The following RYR1 variants were observed in gnomAD, a reference collection of about 807,000 sequenced individuals.
The protein encoded by RYR1 is central core disease of muscle.
In RYR1, 342 loss-of-function variants were observed where a neutral mutation model predicts 583.5. The observed-to-expected ratio is 0.59, with a 90% confidence interval of 0.54 to 0.64. The LOEUF (loss-of-function observed/expected upper bound fraction) is 0.64. Ranked by LOEUF, RYR1 falls within the 30% of genes least tolerant of loss-of-function variation. The pLI, the probability that RYR1 is intolerant of heterozygous loss-of-function variation, is 0.00. For synonymous variants in RYR1, 2,791 were observed against 2,822.5 expected, an observed-to-expected ratio of 0.99 and a Z score of 0.35; for missense variants, 6,032 against 6,917.2, an observed-to-expected ratio of 0.87 and a Z score of 4.54.
In RYR1 at chr19:38,477,585, G is replaced by T. The variant is rs77702866; in HGVS notation, c.4294-125G>T. ...ACATAACCAGGGGGTGGGGGACTCAGATCCAACAACTTCCTGTTAAACTCC... is the reference window on the plus strand; with the variant it reads ...ACATAACCAGGGGGTGGGGGACTCATATCCAACAACTTCCTGTTAAACTCC... On this transcript the variant is annotated intron_variant, in intron 29 of 105. Coordinates refer to ENST00000359596, the MANE Select transcript of RYR1 (RefSeq NM_000540.3). 0.036 allele frequency: 43,283 copies of T among 1,198,718 alleles called. 1,086 individuals carry two copies. Among genetic ancestry groups the T allele is most frequent in the Middle Eastern group, 0.036 (185 of 5,094 alleles). 74.3% of individuals were successfully genotyped at this position (1,198,718 alleles called of 1,614,324 possible).
At chr19:38,506,134 G>A (rs1387198915) in intron 54 of RYR1, among the ~76,000 whole-genome samples, 169 bp from the exon 55 acceptor site, 1 of 151,552 alleles carries the variant, frequency 6.6e-6, no homozygotes, top group Non-Finnish European at 1.5e-5. Context: ...AAGGGCAGAG[G>A]AGAGAAGGAT....
At chr19:38,478,068 T>C (rs1194312993) in intron 30 of RYR1, among the ~76,000 whole-genome samples, 198 bp downstream of exon 30, 1 of 151,906 alleles carries the variant, frequency 6.6e-6, no homozygotes, top group Non-Finnish European at 1.5e-5. Context: ...GCCCTGGTAT[T>C]TTTCTTCTCC....
chr19:38,526,116 C>A (rs1303792237), intron 71 of RYR1, among the ~76,000 whole-genome samples: 1 of 152,040 alleles, frequency 6.6e-6, no homozygotes, highest in Admixed American at 6.5e-5. Flanking sequence ...AACCCCAAGC[C>A]CGGGACTGTA....
Position 38,458,373 on chromosome 19 carries a change from T to C in RYR1, c.2167+81T>C, listed in dbSNP as rs1967539476. On this transcript the variant is annotated intron_variant, in intron 18 of 105. Coordinates refer to ENST00000359596, the MANE Select transcript of RYR1 (RefSeq NM_000540.3). ...AAGTCTCTGACCATACACCTTGGGGTTCTCAGGATCCTGACTCCCTGAAAA... is the reference window on the plus strand; with the variant it reads ...AAGTCTCTGACCATACACCTTGGGGCTCTCAGGATCCTGACTCCCTGAAAA... 3.5e-6 allele frequency: 5 copies of C among 1,444,236 alleles called. No individual in the cohort carries two copies. The Admixed American group carries it at 8.5e-5, about 25-fold the overall frequency. The allele number at this position is 1,444,236 out of a possible 1,614,324, so 89.5% of individuals were successfully genotyped here.
At position 38,460,559 on chromosome 19, in the gene RYR1, G is replaced by A. The variant is rs200893443; in HGVS notation, c.2545G>A (p.Asp849Asn). 201 of 1,613,398 alleles carry A rather than the reference G, an allele frequency of 1.2e-4. 1 individual carries two copies. In the African/African-American group the frequency reaches 2.3e-3, roughly 18 times the overall value. ...CCCCAGTCGCTGCCTCTCACACACC[G>A]ACTTCGTGCCCTGCCCTGTGGACAC... ...VGPSRCLSHT[D>N]FVPCPVDTVQ... Residue 849 changes from aspartate to asparagine, a missense_variant, in exon 20 of 106, where the codon GAC becomes AAC. Around this residue, in one of 11 missense-constraint regions of RYR1, gnomAD observed 2,627 missense variants for 2,961.3 expected, o/e 0.89. Transcript: ENST00000359596.
chr19:38,575,855 T>G, intron 96 of RYR1, 64 bp from the exon 97 acceptor site: 1 of 1,570,454 alleles, frequency 6.4e-7, no homozygotes, highest in South Asian at 1.1e-5. Flanking sequence ...CTGTCGTGGC[T>G]GACAGCTCTG....
At chr19:38,534,868 C>T (rs746263259) in intron 79 of RYR1, 49 bp downstream of exon 79, 1 of 1,558,784 alleles carries the variant, frequency 6.4e-7, no homozygotes, top group African/African-American at 1.4e-5. Context: ...TCATCCTAAC[C>T]TCACTCCTCC....
chr19:38,524,694 A>G (rs940721767), intron 70 of RYR1, among the ~76,000 whole-genome samples: 1 of 152,144 alleles, frequency 6.6e-6, no homozygotes, highest in African/African-American at 2.4e-5. Flanking sequence ...TGTCTCTTGC[A>G]TCTTTGGTCT....
At position 38,463,480 on chromosome 19, in the gene RYR1, G is replaced by T. The variant is rs746904839; in HGVS notation, c.2635G>T (p.Glu879Ter). ...IREKLAENIHELWALTRIEQG... is the reference protein window; with the variant it reads ...IREKLAENIH ...GGAGAAGCTGGCGGAGAACATCCAC[G>T]AGCTCTGGGCGCTAACCCGCATCGA... Residue 879 changes from glutamate (E) to a stop codon, truncating the protein, a stop_gained, in exon 21 of 106, where the codon GAG becomes TAG. Transcript: ENST00000359596. LOFTEE classifies it high-confidence loss of function. The T allele has an allele frequency of 1.2e-6, 2 of 1,613,576 alleles. No homozygotes were observed. Among genetic ancestry groups the T allele is most frequent in the Non-Finnish European group, 1.7e-6 (2 of 1,180,024 alleles).
Position 38,495,979 on chromosome 19 carries a change from T to C in RYR1, c.6549-236T>C, listed in dbSNP as rs535462363. ...GGTTTCACCATGTTGGCCAGGCTGATCTCGATCTCCTGACCTCAAGTGATC... is the reference window on the plus strand; with the variant it reads ...GGTTTCACCATGTTGGCCAGGCTGACCTCGATCTCCTGACCTCAAGTGATC... On this transcript the variant is annotated intron_variant, in intron 39 of 105. Coordinates refer to ENST00000359596, the MANE Select transcript of RYR1 (RefSeq NM_000540.3). Among the ~76,000 whole-genome samples, 29 of 152,204 alleles carry C rather than the reference T, an allele frequency of 1.9e-4. No homozygotes were observed. In the East Asian group the frequency reaches 5.4e-3, roughly 28 times the overall value.
At position 38,506,331 on chromosome 19, in the gene RYR1, C is replaced by T. The variant is rs780440210; in HGVS notation, c.8570C>T (p.Pro2857Leu). The T allele has an allele frequency of 6.2e-7, 1 of 1,613,778 alleles. No homozygotes were observed. The highest frequency in any genetic ancestry group is 8.5e-7 in the Non-Finnish European group (1 of 1,179,852). ...QTYDPREGYNPQPPDLSAVTL... is the reference protein window; with the variant it reads ...QTYDPREGYNLQPPDLSAVTL... ...TATGATCCTCGAGAAGGCTACAACC[C>T]TCAGCCCCCCGACCTTAGTGCTGTT... Residue 2857 changes from proline to leucine, a missense_variant, in exon 55 of 106, where the codon CCT becomes CTT. Pro to Leu is a moderately conservative substitution (Grantham distance 98). Transcript: ENST00000359596.
intron 24 of RYR1, 97 bp downstream of exon 24, chr19:38,466,495 C>A: frequency 6.3e-6 from 6 of 946,402 alleles, no homozygotes; most frequent in Non-Finnish European, 6.2e-6. Flanking sequence ...CCCAAATGGG[C>A]TATATCTTTT....
Position 38,536,048 on chromosome 19 carries a change from C to T in RYR1, c.11568C>T (p.Gly3856=), listed in dbSNP as rs1466248819. The part of the protein sequence containing the change: ...FERQNKAEGL[G]MVNEDGTVIN... ...GACAGAACAAGGCCGAGGGGCTGGGCATGGTGAATGAGGATGGCACTGGTG... is the reference window on the plus strand; with the variant it reads ...GACAGAACAAGGCCGAGGGGCTGGGTATGGTGAATGAGGATGGCACTGGTG... The change falls in exon 82 of 106, where the codon GGC becomes GGT. Residue 3856 remains glycine (G), a synonymous_variant. Transcript: ENST00000359596. The T allele has an allele frequency of 2.5e-6, 4 of 1,613,524 alleles. No individual in the cohort carries two copies. Among genetic ancestry groups the T allele is most frequent in the Non-Finnish European group, 2.5e-6 (3 of 1,179,990 alleles).
chr19:38,502,132 G>A (rs1412627461), intron 47 of RYR1, among the ~76,000 whole-genome samples: 2 of 152,150 alleles, frequency 1.3e-5, no homozygotes, highest in Admixed American at 1.3e-4. Flanking sequence ...ACTCCAGCCT[G>A]GGCGACAGAG....
chr19:38,535,772 G>A, intron 81 of RYR1: 2 of 619,476 alleles, frequency 3.2e-6, no homozygotes, highest in South Asian at 1.9e-5. Flanking sequence ...TTGCTAAATG[G>A]GTGGTTTCTG....
intron 102 of RYR1, 103 bp downstream of exon 102, chr19:38,585,202 A>G: frequency 7.3e-7 from 1 of 1,367,044 alleles, no homozygotes; most frequent in Non-Finnish European, 1.0e-6. Context: ...CCCCATCTCT[A>G]CCTCTCGCTA....
chr19:38,509,050 C>T (rs1252502455), intron 58 of RYR1, among the ~76,000 whole-genome samples: 1 of 69,126 alleles, frequency 1.4e-5, no homozygotes, highest in Non-Finnish European at 2.7e-5. Context: ...CCCTTAGAGA[C>T]CCCCCCCAGC....
At chr19:38,563,457 G>GT (rs1973245867) in intron 90 of RYR1, among the ~76,000 whole-genome samples, 1 of 152,196 alleles carries the variant, frequency 6.6e-6, no homozygotes, top group South Asian at 2.1e-4. Context: ...TAGAGGCGGG[G>GT]TTTTGCCATG....
chr19:38,474,951 C>T lies in RYR1; in HGVS notation c.4161-367C>T, dbSNP rs541445827. ...CTGCTGGGCGGGGGCCCCAGGGTTC[C>T]GCCTGCCTTGCAGTGTACAAAACAG... On this transcript the variant is annotated intron_variant, in intron 28 of 105. Coordinates refer to ENST00000359596, the MANE Select transcript of RYR1 (RefSeq NM_000540.3). Among the ~76,000 whole-genome samples, 9 of 152,202 alleles carry T rather than the reference C, an allele frequency of 5.9e-5. No individual in the cohort carries two copies. In the South Asian group the frequency reaches 6.2e-4, roughly 11 times the overall value.
Sources: allele counts gnomAD v4.1 joint callset (sites outside exome capture counted in the v4.1 genomes callset), GRCh38; gene constraint gnomAD v4.1.1; regional missense constraint gnomAD v4.1.1; transcripts MANE v1.5; gene names NCBI Gene and HGNC (gene_info 2026-07-23, HGNC 2026-07-21).